Variants in POLA1 observed in about 807,000 individuals in gnomAD.
The protein encoded by POLA1 is DNA polymerase alpha catalytic subunit.
A neutral mutation model predicts 124.0 loss-of-function variants in POLA1; 15 were observed. That is an observed-to-expected ratio of 0.12 (90% CI 0.08 to 0.19). The LOEUF (loss-of-function observed/expected upper bound fraction) is 0.19. POLA1 is among the 10% of genes least tolerant of loss of function. The probability of loss-of-function intolerance (pLI) is 1.00; values close to 1 mark genes in which losing one functional copy is unlikely to be tolerated. For synonymous variants in POLA1, 408 were observed against 389.4 expected (o/e 1.05, Z -0.56); for missense variants, 886 against 1,103.4 (o/e 0.80, Z 2.79).
At chrX:24,810,376 T>C (rs2045878337) in intron 27 of POLA1, among the ~76,000 whole-genome samples, 1 of 111,678 alleles carries the variant, frequency 9.0e-6, no homozygotes, top group Non-Finnish European at 1.9e-5. Flanking sequence ...AGTGGATAAA[T>C]ATAGACCCCA....
rs146955952 is a variant in POLA1, at chrX:24,853,524, T to G, written c.4047+9847T>G. ...CTGACATGAAGAATTTCCAATTCAT[T>G]ATATAGTTTTTTGAAATCGCATTTG... On this transcript the variant is annotated intron_variant, in intron 34 of 36. Coordinates refer to ENST00000379068, the MANE Select transcript of POLA1 (RefSeq NM_001330360.2). 5.6e-3 allele frequency among the ~76,000 whole-genome samples: 633 copies of G among 112,238 alleles called. 1 individual carries two copies. Among genetic ancestry groups the G allele is most frequent in the African/African-American group, 0.019 (586 of 30,897 alleles).
chrX:24,795,485 T>A (rs957781391), intron 26 of POLA1, among the ~76,000 whole-genome samples: 1 of 110,853 alleles, frequency 9.0e-6, no homozygotes, highest in African/African-American at 3.3e-5. Flanking sequence ...AAATAAAGAA[T>A]GAGAAGCAGC....
intron 30 of POLA1, among the ~76,000 whole-genome samples, chrX:24,816,484 C>T (rs1174489545): frequency 8.9e-6 from 1 of 112,084 alleles, no homozygotes; most frequent in Non-Finnish European, 1.9e-5. Context: ...TAGAAGGGGA[C>T]AATGTTTCTT....
At chrX:24,704,520 C>G in intron 4 of POLA1, 51 bp downstream of exon 4, 1 of 851,161 alleles carries the variant, frequency 1.2e-6, no homozygotes, top group Non-Finnish European at 1.8e-6. Context: ...AAAGAATTCT[C>G]TAAAATTAGA....
At chrX:24,745,208 C>G (rs182898175) in intron 23 of POLA1, among the ~76,000 whole-genome samples, 1 of 110,478 alleles carries the variant, frequency 9.1e-6, no homozygotes, top group East Asian at 2.9e-4. Context: ...CTTTTTCTCC[C>G]TCTTCTTTTG....
chrX:24,736,750 A>T (rs187211839), intron 18 of POLA1, among the ~76,000 whole-genome samples: 1,143 of 111,993 alleles, frequency 0.01, 8 homozygotes, highest in Non-Finnish European at 0.015. Context: ...AACCATCACC[A>T]CGATCCATCT....
intron 36 of POLA1, among the ~76,000 whole-genome samples, chrX:24,968,956 C>A (rs762458238): frequency 2.7e-5 from 3 of 111,223 alleles, no homozygotes; most frequent in Non-Finnish European, 5.7e-5. Flanking sequence ...CGCATGTAAT[C>A]CCAGCACTTT....
At chrX:24,903,863 C>T (rs755278139) in intron 35 of POLA1, among the ~76,000 whole-genome samples, 2 of 109,378 alleles carry the variant, frequency 1.8e-5, no homozygotes, top group East Asian at 2.9e-4. Flanking sequence ...ACATGGAGAC[C>T]GAAAAGTAAA....
intron 32 of POLA1, among the ~76,000 whole-genome samples, chrX:24,832,860 T>C (rs1342730124): frequency 8.9e-6 from 1 of 112,314 alleles, no homozygotes; most frequent in African/African-American, 3.2e-5. Flanking sequence ...AGACAGTTTT[T>C]TCCAAAACCA....
At chrX:24,804,949 C>G (rs765726764) in intron 26 of POLA1, among the ~76,000 whole-genome samples, 2 of 111,770 alleles carry the variant, frequency 1.8e-5, no homozygotes, top group Non-Finnish European at 3.8e-5. Context: ...CAAAAAACAT[C>G]TTTCTGCTTA....
At chrX:24,888,295 CAT>C (rs1273202912) in intron 35 of POLA1, among the ~76,000 whole-genome samples, 173 bp downstream of exon 35, 22 of 111,890 alleles carry the variant, frequency 2.0e-4, no homozygotes, top group Admixed American at 4.7e-4. Flanking sequence ...CTTTTTTTCA[CAT>C]GTCATGAGCA....
At chrX:24,908,626 G>T (rs773477149) in intron 35 of POLA1, among the ~76,000 whole-genome samples, 3 of 110,870 alleles carry the variant, frequency 2.7e-5, no homozygotes, top group Non-Finnish European at 5.7e-5. Flanking sequence ...TGTTAATCCA[G>T]TCTATCATTG....
intron 30 of POLA1, among the ~76,000 whole-genome samples, chrX:24,817,935 ATTT>A (rs747221901): frequency 8.6e-5 from 7 of 81,502 alleles, no homozygotes; most frequent in Middle Eastern, 5.7e-3. Flanking sequence ...TCATGACAAT[ATTT>A]TTTTTTTTTT....
intron 17 of POLA1, among the ~76,000 whole-genome samples, chrX:24,735,002 C>G (rs771540461): frequency 8.9e-6 from 1 of 111,734 alleles, no homozygotes; most frequent in Non-Finnish European, 1.9e-5. Flanking sequence ...TTTATACAAT[C>G]CTTGGGATTT....
At chrX:24,887,924 G>A in intron 34 of POLA1, 82 bp from the exon 35 acceptor site, 1 of 564,040 alleles carries the variant, frequency 1.8e-6, no homozygotes, top group Non-Finnish European at 3.1e-6. Flanking sequence ...TAAATAAAAT[G>A]AGTCTATCTT....
At chrX:24,711,483 A>C (rs1216977193) in intron 4 of POLA1, among the ~76,000 whole-genome samples, 3 of 112,569 alleles carry the variant, frequency 2.7e-5, no homozygotes, top group Non-Finnish European at 5.6e-5. Flanking sequence ...AAGGACATTT[A>C]GATTATTTTG....
intron 32 of POLA1, among the ~76,000 whole-genome samples, chrX:24,838,071 A>G (rs1487662548): frequency 8.9e-6 from 1 of 111,806 alleles, no homozygotes; most frequent in African/African-American, 3.3e-5. Flanking sequence ...AGAAAGTGCA[A>G]TGGTAGAAAA....
chrX:24,769,110 G>T (rs2044972494), intron 26 of POLA1, among the ~76,000 whole-genome samples: 1 of 111,676 alleles, frequency 9.0e-6, no homozygotes, highest in South Asian at 3.8e-4. Context: ...AATTTGGAGG[G>T]TTTTTCTTTT....
intron 1 of POLA1, among the ~76,000 whole-genome samples, chrX:24,694,823 C>T (rs1428772071): frequency 8.9e-6 from 1 of 112,510 alleles, no homozygotes; most frequent in African/African-American, 3.2e-5. Flanking sequence ...CATTCAGATA[C>T]ATCACCATTA....
Sources: allele counts gnomAD v4.1 joint callset (sites outside exome capture counted in the v4.1 genomes callset), GRCh38; gene constraint gnomAD v4.1.1; transcripts MANE v1.5; gene names NCBI Gene and HGNC (gene_info 2026-07-23, HGNC 2026-07-21).